EYS: variants seen among roughly 807,000 people sequenced by gnomAD.
EYS encodes protein eyes shut homolog.
Under a neutral mutation model 282.1 loss-of-function variants are expected in EYS, and 250 were observed. The observed-to-expected ratio is 0.89, with a 90% CI of 0.80 to 0.98. The LOEUF is 0.98. Ranked by LOEUF, EYS falls within the 50% of genes least tolerant of loss-of-function variation. EYS has a pLI of 0.00. For synonymous variants in EYS, 1,355 were observed against 1,282.9 expected (o/e 1.06, Z -1.20); for missense variants, 4,016 against 3,709.0 (o/e 1.08, Z -2.15).
intron 32 of EYS, among the ~76,000 whole-genome samples, 190 bp downstream of exon 32, chr6:64,081,666 G>C (rs766068707): frequency 6.6e-6 from 1 of 152,050 alleles, no homozygotes; most frequent in Non-Finnish European, 1.5e-5. Flanking sequence ...TGTAAGTCAC[G>C]TTCCATTGAA....
At chr6:65,254,007 TATATCTATAAAGTC>T (rs1179196193) in intron 12 of EYS, among the ~76,000 whole-genome samples, 2 of 151,846 alleles carry the variant, frequency 1.3e-5, no homozygotes, top group East Asian at 1.9e-4. Flanking sequence ...AAAAGTGCTT[TATATCTATAAAGTC>T]ATATCTATAA....
chr6:64,228,144 A>G (rs1360783640), intron 31 of EYS, among the ~76,000 whole-genome samples: 1 of 152,136 alleles, frequency 6.6e-6, no homozygotes, highest in Non-Finnish European at 1.5e-5. Context: ...TAAGGCACAC[A>G]ACATCACAGA....
chr6:65,031,158 TAC>T (rs199536494), intron 13 of EYS, among the ~76,000 whole-genome samples: 1 of 142,000 alleles, frequency 7.0e-6, no homozygotes, highest in Non-Finnish European at 1.5e-5. Flanking sequence ...TATATATATA[TAC>T]ACACACACGC....
intron 26 of EYS, among the ~76,000 whole-genome samples, chr6:64,569,854 C>G (rs953541794): frequency 2.0e-5 from 3 of 152,136 alleles, no homozygotes; most frequent in Admixed American, 1.3e-4. Context: ...AGAATGGAAC[C>G]AAGAGAATGG....
intron 22 of EYS, among the ~76,000 whole-genome samples, chr6:64,724,967 CTT>C (rs770923630): frequency 1.3e-5 from 2 of 151,932 alleles, no homozygotes; most frequent in Non-Finnish European, 2.9e-5. Context: ...ACTCTAGAAA[CTT>C]AACAAAAATG....
intron 12 of EYS, among the ~76,000 whole-genome samples, chr6:65,150,271 T>C (rs1764581392): frequency 6.6e-6 from 1 of 152,090 alleles, no homozygotes; most frequent in Admixed American, 6.6e-5. Flanking sequence ...TTCCCCTTTT[T>C]TCTTTTTCTT....
intron 8 of EYS, among the ~76,000 whole-genome samples, chr6:65,367,725 G>A (rs923326807): frequency 1.2e-4 from 18 of 151,698 alleles, no homozygotes; most frequent in Non-Finnish European, 2.9e-5. Flanking sequence ...TGTGAGAGAA[G>A]AAGCTTATGA....
chr6:64,124,588 T>C (rs1334929485), intron 31 of EYS, among the ~76,000 whole-genome samples: 1 of 152,168 alleles, frequency 6.6e-6, no homozygotes, highest in African/African-American at 2.4e-5. Flanking sequence ...CATATATAAT[T>C]TTGAAAATAT....
chr6:64,463,483 T>A (rs2066516721), intron 26 of EYS, among the ~76,000 whole-genome samples: 1 of 152,214 alleles, frequency 6.6e-6, no homozygotes, highest in South Asian at 2.1e-4. Flanking sequence ...GATCCTTACA[T>A]TCTAGAATTG....
intron 29 of EYS, among the ~76,000 whole-genome samples, chr6:64,308,056 A>G (rs1769523653): frequency 1.3e-5 from 2 of 151,978 alleles, no homozygotes; most frequent in African/African-American, 4.8e-5. Context: ...AAGGCACTAC[A>G]TTTTTCCATC....
chr6:65,266,454 T>C (rs1266829789), intron 12 of EYS, among the ~76,000 whole-genome samples: 1 of 151,902 alleles, frequency 6.6e-6, no homozygotes, highest in Non-Finnish European at 1.5e-5. Flanking sequence ...TAAAAGCTAC[T>C]TTACAAAGAT....
intron 26 of EYS, among the ~76,000 whole-genome samples, chr6:64,441,383 C>T (rs527823916): frequency 6.6e-6 from 1 of 152,254 alleles, no homozygotes; most frequent in Non-Finnish European, 1.5e-5. Context: ...TAGACAAGAA[C>T]AGAGCTTTCA....
At chr6:65,570,253 C>T (rs1764432559) in intron 2 of EYS, among the ~76,000 whole-genome samples, 1 of 152,092 alleles carries the variant, frequency 6.6e-6, no homozygotes. Flanking sequence ...CTAAATGAAG[C>T]TTGCAAAGAA....
intron 12 of EYS, among the ~76,000 whole-genome samples, chr6:65,276,461 CTT>C (rs1450573003): frequency 2.6e-5 from 4 of 151,648 alleles, no homozygotes; most frequent in African/African-American, 4.8e-5. Flanking sequence ...CACTGGGTCA[CTT>C]AGAACTCCTC....
At chr6:65,542,884 C>G (rs898217555) in intron 2 of EYS, among the ~76,000 whole-genome samples, 1 of 152,090 alleles carries the variant, frequency 6.6e-6, no homozygotes, top group Non-Finnish European at 1.5e-5. Context: ...TGCACTGTTA[C>G]TTTGATAACA....
intron 33 of EYS, among the ~76,000 whole-genome samples, chr6:64,060,553 T>C (rs890930421): frequency 3.9e-5 from 6 of 152,170 alleles, no homozygotes; most frequent in Non-Finnish European, 8.8e-5. Flanking sequence ...GAATCATTCT[T>C]CCCATTTTGT....
At chr6:63,763,085 C>G (rs766081252) in intron 40 of EYS, among the ~76,000 whole-genome samples, 5 of 152,044 alleles carry the variant, frequency 3.3e-5, no homozygotes, top group Non-Finnish European at 5.9e-5. Flanking sequence ...GAGCTGCAAA[C>G]ATACTGGAGA....
intron 26 of EYS, among the ~76,000 whole-genome samples, chr6:64,459,400 G>T (rs767838271): frequency 7.9e-5 from 12 of 152,138 alleles, no homozygotes; most frequent in Non-Finnish European, 1.6e-4. Context: ...TCTTGTATTA[G>T]TGTTGTCTAA....
chr6:65,423,010 T>C (rs1458081248), intron 5 of EYS, among the ~76,000 whole-genome samples: 1 of 151,770 alleles, frequency 6.6e-6, no homozygotes, highest in South Asian at 2.1e-4. Flanking sequence ...AAAAAGCACA[T>C]GACAATAGAA....
Sources: allele counts gnomAD v4.1 joint callset (sites outside exome capture counted in the v4.1 genomes callset), GRCh38; gene constraint gnomAD v4.1.1; transcripts MANE v1.5; gene names NCBI Gene and HGNC (gene_info 2026-07-23, HGNC 2026-07-21).